PIGX: variants seen among roughly 807,000 people sequenced by gnomAD.
PIGX encodes phosphatidylinositol glycan anchor biosynthesis class X.
In PIGX, 24 loss-of-function variants were observed where a neutral mutation model predicts 28.7. The observed-to-expected ratio is 0.84, with a 90% CI of 0.60 to 1.17. The LOEUF (loss-of-function observed/expected upper bound fraction) is 1.17, where lower values mean the gene tolerates loss of function less well. Ranked by LOEUF, PIGX falls within the 50% of genes most tolerant of loss-of-function variation. PIGX has a pLI of 0.00. For missense variants in PIGX, 305 were observed against 317.8 expected (o/e 0.96, Z 0.31); for synonymous variants, 127 against 121.0 (o/e 1.05, Z -0.33).
At chr3:196,732,267 T>TTA (rs1712830908) in intron 5 of PIGX, among the ~76,000 whole-genome samples, 1 of 36,568 alleles carries the variant, frequency 2.7e-5, no homozygotes, top group African/African-American at 1.1e-4. Flanking sequence ...TTTTATTTTA[T>TTA]TTTATTTTTT....
rs759748398 is a variant in PIGX, at chr3:196,733,763, A to G, written c.638A>G (p.Tyr213Cys). Residue 213 changes from tyrosine to cysteine, a missense_variant, in exon 6 of 6, where the codon TAT (tyrosine) becomes TGT (cysteine). Transcript: ENST00000392391. The surrounding 1 kb of genome is among the most constrained non-coding windows in gnomAD (Gnocchi z 4.3). ...CTTCTCTCTCTCTCTCCATAGGTAT[A>G]TAAGAATGTGATTCTACAAGTTCCA... 1 of 1,593,552 alleles carries G rather than the reference A, an allele frequency of 6.3e-7. No homozygotes were observed. The highest frequency in any genetic ancestry group is 1.3e-5 in the African/African-American group (1 of 74,670).
At chr3:196,726,666 A>T in intron 3 of PIGX, 1 of 456,570 alleles carries the variant, frequency 2.2e-6, no homozygotes, top group African/African-American at 2.0e-5. Context: ...AGAAGACTTC[A>T]TGGCGGCGGC....
intron 3 of PIGX, among the ~76,000 whole-genome samples, chr3:196,726,268 G>A (rs1217992929): frequency 1.3e-5 from 2 of 152,136 alleles, no homozygotes; most frequent in South Asian, 2.1e-4. Flanking sequence ...TCCAGCCAGG[G>A]TGACAGAGTG....
intron 2 of PIGX, among the ~76,000 whole-genome samples, chr3:196,719,841 A>G (rs551931744): frequency 6.6e-6 from 1 of 151,646 alleles, no homozygotes; most frequent in East Asian, 1.9e-4. Flanking sequence ...GCCAGGCTGG[A>G]GTGCATGGCG....
chr3:196,729,412 A>ATT lies in PIGX; in HGVS notation c.532+1287_532+1288dup, dbSNP rs879905465. On this transcript the variant is annotated intron_variant, in intron 4 of 5. Coordinates refer to ENST00000392391, the MANE Select transcript of PIGX (RefSeq NM_017861.4). ...AAGATGTTTTCTTTCTTTCTTTCTT[A>ATT]TTTTTTTTTTTTGAGGCGGAGTCTC... Among the ~76,000 whole-genome samples, 48 of 140,918 alleles carry ATT rather than the reference A, an allele frequency of 3.4e-4. 1 individual carries two copies. Among genetic ancestry groups the ATT allele is most frequent in the African/African-American group, 1.2e-3 (43 of 37,076 alleles). The allele number at this position is 140,918 out of a possible 152,430, so 92.4% of individuals were successfully genotyped here. A position where few individuals can be genotyped will look rare whatever the true frequency, so the allele number is the denominator to read the frequency against.
At position 196,733,643 on chromosome 3, in the gene PIGX, C is replaced by T. The variant is rs1712905564; in HGVS notation, c.634-116C>T. On this transcript the variant is annotated intron_variant, in intron 5 of 5. Transcript: ENST00000392391. The surrounding 1 kb of genome is among the most constrained non-coding windows in gnomAD (Gnocchi z 4.3). ...GGCCAGGCTGGTTTTGAACTCCTGA[C>T]CTCAAGCGATCTGCCCGCCTTGGCC... is the stretch of plus-strand genomic sequence containing the variant. 1.4e-6 allele frequency: 1 copy of T among 706,804 alleles called. No individual in the cohort carries two copies. The allele number at this position is 706,804 out of a possible 1,614,324, so 43.8% of individuals were successfully genotyped here.
chr3:196,717,167 T>C (rs1048835838), intron 2 of PIGX, among the ~76,000 whole-genome samples: 4 of 151,720 alleles, frequency 2.6e-5, no homozygotes, highest in Non-Finnish European at 4.4e-5. Flanking sequence ...GGCATGATGG[T>C]ACACACACCT....
At chr3:196,728,162 G>T in intron 4 of PIGX, 26 bp downstream of exon 4, 1 of 1,578,066 alleles carries the variant, frequency 6.3e-7, no homozygotes. Flanking sequence ...GTTTTCTAAG[G>T]GTTGAAACAT....
chr3:196,716,271 GTT>G (rs11329124), intron 1 of PIGX, among the ~76,000 whole-genome samples: 3 of 150,076 alleles, frequency 2.0e-5, no homozygotes, highest in East Asian at 3.9e-4. Context: ...TTTGCTTTTT[GTT>G]TTTTTTTTAA....
intron 3 of PIGX, among the ~76,000 whole-genome samples, chr3:196,725,274 G>C (rs1216320163): frequency 1.3e-5 from 2 of 152,110 alleles, no homozygotes; most frequent in Non-Finnish European, 2.9e-5. Context: ...TGGTCAAGTG[G>C]AGAACAGGTA....
intron 1 of PIGX, among the ~76,000 whole-genome samples, chr3:196,713,764 G>A (rs1260228662): frequency 1.3e-5 from 2 of 151,178 alleles, no homozygotes; most frequent in Non-Finnish European, 1.5e-5. Context: ...TTGAACTAGG[G>A]AGGCGGAGGT....
At chr3:196,712,717 G>A (rs937074598) in intron 1 of PIGX, 73 bp downstream of exon 1, 2 of 1,134,756 alleles carry the variant, frequency 1.8e-6, no homozygotes, top group Non-Finnish European at 2.2e-6. Context: ...GCGGGTTGCG[G>A]GGATGTGGGG....
At chr3:196,717,534 C>G (rs1169670229) in intron 2 of PIGX, among the ~76,000 whole-genome samples, 1 of 152,098 alleles carries the variant, frequency 6.6e-6, no homozygotes, top group Admixed American at 6.6e-5. Context: ...TGGCATAGTA[C>G]TTGTATAGAA....
At chr3:196,732,257 T>TATATATATATA (rs1326451678) in intron 5 of PIGX, among the ~76,000 whole-genome samples, 8 of 36,154 alleles carry the variant, frequency 2.2e-4, no homozygotes, top group Admixed American at 7.2e-4. Context: ...TATATATATA[T>TATATATATATA]TTTATTTTAT....
rs1276453219 is a variant in PIGX, at chr3:196,733,410, T to C, written c.634-349T>C. On this transcript the variant is annotated intron_variant, in intron 5 of 5. Coordinates refer to ENST00000392391, the MANE Select transcript of PIGX (RefSeq NM_017861.4). The surrounding 1 kb of genome is among the most constrained non-coding windows in gnomAD (Gnocchi z 4.3). Reference sequence around the variant, plus strand: ...CATTTATTTTATTTTACTATTTTTATTTATTTATTTATTTATTTGAGACAG... The same window carrying C: ...CATTTATTTTATTTTACTATTTTTACTTATTTATTTATTTATTTGAGACAG... Among the ~76,000 whole-genome samples, 1 of 152,010 alleles carries C rather than the reference T, an allele frequency of 6.6e-6. No individual in the cohort carries two copies. Among genetic ancestry groups the C allele is most frequent in the Non-Finnish European group, 1.5e-5 (1 of 67,996 alleles).
At position 196,734,752 on chromosome 3, in the gene PIGX, C is replaced by T. The variant is rs1249468500; in HGVS notation, c.*850C>T. ...AAATTATTGATTATTCCTTAACGCA[C>T]TCCATTCTCCTTTTACATTTTATCA... On this transcript the variant is annotated 3_prime_UTR_variant, in exon 6 of 6. Coordinates refer to ENST00000392391, the MANE Select transcript of PIGX (RefSeq NM_017861.4). 2 of 152,120 alleles carry T rather than the reference C, an allele frequency of 1.3e-5. No homozygotes were observed. The highest frequency in any genetic ancestry group is 2.1e-4 in the South Asian group (1 of 4,828). 9.4% of individuals were successfully genotyped at this position (152,120 alleles called of 1,614,324 possible). A position where few individuals can be genotyped will look rare whatever the true frequency, so the allele number is the denominator to read the frequency against.
At chr3:196,713,850 A>G (rs1395335857) in intron 1 of PIGX, among the ~76,000 whole-genome samples, 5 of 151,528 alleles carry the variant, frequency 3.3e-5, no homozygotes, top group Admixed American at 6.6e-5. Flanking sequence ...AAAAAAAAAA[A>G]AAAGGAAAAA....
chr3:196,715,649 T>C (rs1002770210), intron 1 of PIGX, among the ~76,000 whole-genome samples: 1 of 152,206 alleles, frequency 6.6e-6, no homozygotes, highest in Non-Finnish European at 1.5e-5. Context: ...ATAACAGGAT[T>C]ATGTAAATAA....
At chr3:196,714,628 A>T (rs1199023060) in intron 1 of PIGX, among the ~76,000 whole-genome samples, 1 of 152,068 alleles carries the variant, frequency 6.6e-6, no homozygotes. Flanking sequence ...CGCCCGGCTA[A>T]TTTTTTGTAT....
Sources: allele counts gnomAD v4.1 joint callset (sites outside exome capture counted in the v4.1 genomes callset), GRCh38; gene constraint gnomAD v4.1.1; non-coding constraint Gnocchi (gnomAD v3.1); transcripts MANE v1.5; gene names NCBI Gene and HGNC (gene_info 2026-07-23, HGNC 2026-07-21).